Variants in SGCZ observed in about 807,000 individuals in gnomAD.
SGCZ encodes the protein sarcoglycan zeta, also known as zeta-sarcoglycan.
Under a neutral mutation model 41.3 loss-of-function variants are expected in SGCZ, and 40 were observed. The observed-to-expected ratio is 0.97, with a 90% CI of 0.75 to 1.26. The LOEUF (loss-of-function observed/expected upper bound fraction) is 1.26. Ranked by LOEUF, SGCZ falls within the 50% of genes most tolerant of loss-of-function variation. The pLI is 0.00. For synonymous variants in SGCZ, 206 were observed against 137.5 expected (o/e 1.50, Z -3.49); for missense variants, 552 against 369.8 (o/e 1.49, Z -4.04).
intron 1 of SGCZ, among the ~76,000 whole-genome samples, chr8:15,073,460 A>T (rs1805424426): frequency 6.6e-6 from 1 of 152,184 alleles, no homozygotes; most frequent in African/African-American, 2.4e-5. Context: ...GCAAGTCATG[A>T]TGCTTACATT....
intron 3 of SGCZ, among the ~76,000 whole-genome samples, chr8:14,313,634 C>T (rs1282241201): frequency 6.6e-6 from 1 of 152,144 alleles, no homozygotes; most frequent in South Asian, 2.1e-4. Context: ...CCATGCCTGG[C>T]TGGTCTGATA....
chr8:15,015,928 C>A (rs937768638), intron 1 of SGCZ, among the ~76,000 whole-genome samples: 4 of 151,608 alleles, frequency 2.6e-5, no homozygotes, highest in African/African-American at 7.3e-5. Context: ...TTTTTCATTT[C>A]CTTCTTTCCA....
intron 1 of SGCZ, among the ~76,000 whole-genome samples, chr8:14,579,046 T>G (rs913859186): frequency 6.6e-6 from 1 of 152,188 alleles, no homozygotes; most frequent in African/African-American, 2.4e-5. Flanking sequence ...TCCAGTAATA[T>G]CATTATTTGC....
chr8:15,051,180 G>A (rs1470576580), intron 1 of SGCZ, among the ~76,000 whole-genome samples: 1 of 152,082 alleles, frequency 6.6e-6, no homozygotes, highest in African/African-American at 2.4e-5. Flanking sequence ...AAATGAAAAG[G>A]GAATGATTCA....
intron 3 of SGCZ, among the ~76,000 whole-genome samples, chr8:14,310,804 A>G (rs1481693156): frequency 6.6e-6 from 1 of 152,144 alleles, no homozygotes; most frequent in East Asian, 1.9e-4. Context: ...GAACATTTTT[A>G]AAATAAGGGA....
intron 1 of SGCZ, among the ~76,000 whole-genome samples, chr8:15,019,660 C>T (rs1444563138): frequency 1.3e-5 from 2 of 151,672 alleles, no homozygotes; most frequent in African/African-American, 4.9e-5. Context: ...TCTCAGCTCA[C>T]TCTGAGAGCA....
At chr8:14,921,942 G>A (rs934834717) in intron 1 of SGCZ, among the ~76,000 whole-genome samples, 4 of 152,080 alleles carry the variant, frequency 2.6e-5, no homozygotes, top group African/African-American at 4.8e-5. Context: ...CTATGAAAAC[G>A]TGCTTTATAT....
At chr8:15,161,295 G>C (rs1475495662) in intron 1 of SGCZ, among the ~76,000 whole-genome samples, 1 of 152,062 alleles carries the variant, frequency 6.6e-6, no homozygotes, top group Non-Finnish European at 1.5e-5. Context: ...TCTCCTGTAA[G>C]GTCTTTCCCA....
chr8:14,588,816 T>C (rs991170920), intron 1 of SGCZ, among the ~76,000 whole-genome samples: 2 of 152,162 alleles, frequency 1.3e-5, no homozygotes, highest in African/African-American at 4.8e-5. Flanking sequence ...ATTTTTAGAA[T>C]GTTATCAATT....
At chr8:14,975,809 A>ATATATATATGTGTGTG (rs1181919961) in intron 1 of SGCZ, among the ~76,000 whole-genome samples, 13 of 131,896 alleles carry the variant, frequency 9.9e-5, no homozygotes, top group South Asian at 4.5e-4. Flanking sequence ...ATATATATAT[A>ATATATATATGTGTGTG]TGTGTGTGTG....
At chr8:14,899,231 C>A (rs1313525854) in intron 1 of SGCZ, among the ~76,000 whole-genome samples, 1 of 152,074 alleles carries the variant, frequency 6.6e-6, no homozygotes. Flanking sequence ...CTCATATCCA[C>A]TTTATTAACT....
intron 1 of SGCZ, among the ~76,000 whole-genome samples, chr8:14,844,284 A>G (rs143622949): frequency 6.7e-4 from 102 of 152,228 alleles, no homozygotes; most frequent in African/African-American, 2.4e-3. Context: ...ATCTTCTCAC[A>G]TACTTTAGAG....
chr8:14,737,748 C>G (rs1436416328), intron 1 of SGCZ, among the ~76,000 whole-genome samples: 1 of 151,960 alleles, frequency 6.6e-6, no homozygotes. Context: ...ATATTGGATT[C>G]GAGCCTGTGC....
intron 2 of SGCZ, among the ~76,000 whole-genome samples, chr8:14,369,769 T>C (rs1252117859): frequency 6.6e-6 from 1 of 151,898 alleles, no homozygotes; most frequent in East Asian, 1.9e-4. Context: ...AAATACAATT[T>C]TTTCCTCTCT....
At chr8:14,413,594 T>C (rs1014591696) in intron 2 of SGCZ, among the ~76,000 whole-genome samples, 8 of 152,072 alleles carry the variant, frequency 5.3e-5, no homozygotes, top group African/African-American at 1.9e-4. Flanking sequence ...TAAGTAGTTT[T>C]TGAAATATAT....
rs368361636 is a variant in SGCZ, at chr8:14,672,990, A to G, written c.40-118064T>C. On this transcript the variant is annotated intron_variant, in intron 1 of 7. Transcript: ENST00000382080. ...AAGAAAGCAGTGTTGCTGTGTTTCAAGCAAAAGTAATTTATAAAAACACAC... is the reference window on the plus strand; with the variant it reads ...AAGAAAGCAGTGTTGCTGTGTTTCAGGCAAAAGTAATTTATAAAAACACAC... Among the ~76,000 whole-genome samples the G allele has an allele frequency of 1.7e-3, 259 of 152,292 alleles. 1 individual carries two copies. The South Asian group carries it at 0.021, about 12-fold the overall frequency.
intron 1 of SGCZ, among the ~76,000 whole-genome samples, chr8:14,941,184 T>A (rs1030297442): frequency 6.6e-6 from 1 of 151,986 alleles, no homozygotes; most frequent in African/African-American, 2.4e-5. Flanking sequence ...TTGCAGAAAA[T>A]TTTCCAATAT....
chr8:15,045,841 T>C (rs1191106001), intron 1 of SGCZ, among the ~76,000 whole-genome samples: 3 of 152,006 alleles, frequency 2.0e-5, no homozygotes, highest in Non-Finnish European at 4.4e-5. Flanking sequence ...AGACTCTCAC[T>C]GGCTAAGGGG....
intron 2 of SGCZ, among the ~76,000 whole-genome samples, chr8:14,443,385 G>A (rs375422178): frequency 0.011 from 1,691 of 152,222 alleles, 24 homozygotes; most frequent in East Asian, 0.075. Context: ...AAAGCTGGAG[G>A]CATCACACTA....
Sources: allele counts gnomAD v4.1 joint callset (sites outside exome capture counted in the v4.1 genomes callset), GRCh38; gene constraint gnomAD v4.1.1; transcripts MANE v1.5; gene names NCBI Gene and HGNC (gene_info 2026-07-23, HGNC 2026-07-21).